Variants in ATP8A2 observed in about 807,000 individuals in gnomAD.
ATP8A2 encodes the protein ATPase phospholipid transporting 8A2.
A neutral mutation model predicts 165.6 loss-of-function variants in ATP8A2; 100 were observed. The ratio of observed to expected loss-of-function variants is 0.60; its 90% CI spans 0.51 to 0.71. The LOEUF (loss-of-function observed/expected upper bound fraction) is 0.71. Among genes scored for constraint, ATP8A2 ranks in the 30% least tolerant of loss-of-function variants. The probability of loss-of-function intolerance (pLI) is 0.00; values close to 1 mark genes in which losing one functional copy is unlikely to be tolerated. For synonymous variants in ATP8A2, 543 were observed against 548.8 expected (o/e 0.99, Z 0.15); for missense variants, 1,227 against 1,479.5 (o/e 0.83, Z 2.80).
rs2041366576 is a variant in ATP8A2, at chr13:25,636,309, T to A, written c.2211+46610T>A. On this transcript the variant is annotated intron_variant, in intron 24 of 36. Coordinates refer to ENST00000381655, the MANE Select transcript of ATP8A2 (RefSeq NM_016529.6). Reference sequence around the variant, plus strand: ...CACAGTAGACATTAAGAAATATGAGTTGACAGATTGTTATATTTTATAATG... The same window carrying A: ...CACAGTAGACATTAAGAAATATGAGATGACAGATTGTTATATTTTATAATG... Among the ~76,000 whole-genome samples, 3 of 152,140 alleles carry A rather than the reference T, an allele frequency of 2.0e-5. No individual in the cohort carries two copies. In the South Asian group the frequency reaches 6.2e-4, roughly 32 times the overall value.
At chr13:25,703,574 T>A (rs1056260943) in intron 25 of ATP8A2, among the ~76,000 whole-genome samples, 1 of 151,998 alleles carries the variant, frequency 6.6e-6, no homozygotes, top group Admixed American at 6.6e-5. Context: ...ACAACCCACA[T>A]ATGAATCCAT....
chr13:25,557,760 G>T (rs908264696), intron 13 of ATP8A2, among the ~76,000 whole-genome samples: 3 of 152,144 alleles, frequency 2.0e-5, no homozygotes, highest in Non-Finnish European at 4.4e-5. Context: ...ACCCATGGAT[G>T]CTTCAGTAGT....
chr13:25,402,310 AC>A (rs2033663634), intron 1 of ATP8A2, among the ~76,000 whole-genome samples: 2 of 152,314 alleles, frequency 1.3e-5, no homozygotes, highest in South Asian at 4.1e-4. Flanking sequence ...AGGAACTGAA[AC>A]TGCAGAAAGC....
intron 35 of ATP8A2, among the ~76,000 whole-genome samples, chr13:25,985,824 T>C (rs1382238402): frequency 1.3e-5 from 2 of 152,184 alleles, no homozygotes; most frequent in African/African-American, 4.8e-5. Context: ...CCATGGTGGG[T>C]TGGTTTAGAC....
At chr13:25,552,998 A>G (rs909446217) in intron 11 of ATP8A2, among the ~76,000 whole-genome samples, 1 of 151,958 alleles carries the variant, frequency 6.6e-6, no homozygotes, top group African/African-American at 2.4e-5. Flanking sequence ...TCTCCCTCCA[A>G]TCCCAGCCTT....
chr13:25,813,623 G>A (rs550752147), intron 27 of ATP8A2, among the ~76,000 whole-genome samples: 2 of 147,016 alleles, frequency 1.4e-5, no homozygotes, highest in Non-Finnish European at 3.0e-5. Context: ...ATGGAATCTT[G>A]TGGAGGTGGG....
intron 24 of ATP8A2, among the ~76,000 whole-genome samples, chr13:25,601,014 A>G (rs1475257887): frequency 3.3e-5 from 5 of 152,218 alleles, no homozygotes; most frequent in African/African-American, 1.2e-4. Flanking sequence ...AGTGACAGGT[A>G]GAGTGACCAT....
At chr13:25,387,817 A>G (rs6491046) in intron 1 of ATP8A2, among the ~76,000 whole-genome samples, 2,078 of 152,166 alleles carry the variant, frequency 0.014, 45 homozygotes, top group African/African-American at 0.047. Flanking sequence ...TAATCCCAGC[A>G]CTTTGGGAGG....
chr13:25,875,696 A>C (rs1952804073), intron 33 of ATP8A2, among the ~76,000 whole-genome samples: 1 of 149,504 alleles, frequency 6.7e-6, no homozygotes, highest in South Asian at 2.1e-4. Flanking sequence ...TTAAAATTTC[A>C]GCCCAACTGT....
chr13:25,772,738 T>TAA (rs386363440), intron 26 of ATP8A2, among the ~76,000 whole-genome samples: 25,884 of 147,808 alleles, frequency 0.18, 2,373 homozygotes, highest in Middle Eastern at 0.22. Flanking sequence ...ATTAATTAAT[T>TAA]TATTTATTTA....
At chr13:25,942,934 G>C (rs1005761851) in intron 33 of ATP8A2, among the ~76,000 whole-genome samples, 1 of 151,990 alleles carries the variant, frequency 6.6e-6, no homozygotes, top group Non-Finnish European at 1.5e-5. Context: ...CTTTTTGCCA[G>C]AACTCCCTCC....
At chr13:25,656,524 C>T (rs192400642) in intron 24 of ATP8A2, among the ~76,000 whole-genome samples, 7 of 152,088 alleles carry the variant, frequency 4.6e-5, no homozygotes, top group South Asian at 2.1e-4. Flanking sequence ...CTGCCCACCT[C>T]GGCCTCCGAA....
At chr13:25,527,368 G>A (rs34352326) in intron 2 of ATP8A2, among the ~76,000 whole-genome samples, 511 of 152,240 alleles carry the variant, frequency 3.4e-3, no homozygotes, top group Middle Eastern at 6.8e-3. Context: ...CACCCCAGAC[G>A]TACTGAATCA....
chr13:25,390,868 T>C (rs1330338244), intron 1 of ATP8A2, among the ~76,000 whole-genome samples: 1 of 150,072 alleles, frequency 6.7e-6, no homozygotes, highest in Non-Finnish European at 1.5e-5. Context: ...GAGGTTGCAG[T>C]GAGCCGAGAT....
intron 25 of ATP8A2, among the ~76,000 whole-genome samples, chr13:25,746,992 T>TC (rs958808149): frequency 6.6e-6 from 1 of 152,228 alleles, no homozygotes; most frequent in African/African-American, 2.4e-5. Flanking sequence ...GAGCCTATGG[T>TC]CGTTCTGTCC....
At chr13:25,839,740 T>C in intron 30 of ATP8A2, 116 bp downstream of exon 30, 2 of 827,998 alleles carry the variant, frequency 2.4e-6, no homozygotes, top group East Asian at 5.0e-5. Flanking sequence ...GAACACATTT[T>C]AGAGGAAAAA....
chr13:25,844,090 G>A (rs910754206), intron 30 of ATP8A2, among the ~76,000 whole-genome samples: 1 of 152,158 alleles, frequency 6.6e-6, no homozygotes. Flanking sequence ...TAGTGGGACT[G>A]GGGGTGGCAG....
At chr13:25,837,424 CACACACACA>C in intron 29 of ATP8A2, 139 bp downstream of exon 29, 6 of 1,820 alleles carry the variant, frequency 3.3e-3, no homozygotes, top group South Asian at 0.02. Flanking sequence ...ACCCCACCAC[CACACACACA>C]CACACACACA....
At chr13:25,745,606 T>A (rs778848742) in intron 25 of ATP8A2, among the ~76,000 whole-genome samples, 26 of 152,142 alleles carry the variant, frequency 1.7e-4, no homozygotes, top group Non-Finnish European at 3.4e-4. Context: ...AACTTGGAAT[T>A]TTCCTGATGC....
Sources: allele counts gnomAD v4.1 joint callset (sites outside exome capture counted in the v4.1 genomes callset), GRCh38; gene constraint gnomAD v4.1.1; transcripts MANE v1.5; gene names NCBI Gene and HGNC (gene_info 2026-07-23, HGNC 2026-07-21).